The following LCORL variants were observed in gnomAD, a reference collection of about 807,000 sequenced individuals.
LCORL encodes the protein ligand-dependent nuclear receptor corepressor-like protein.
A neutral mutation model predicts 141.8 loss-of-function variants in LCORL; 41 were observed. The ratio of observed to expected loss-of-function variants is 0.29; its 90% CI spans 0.23 to 0.38. LCORL has a LOEUF of 0.38. Among genes scored for constraint, LCORL ranks in the 10% least tolerant of loss-of-function variants. The pLI is 1.00. For missense variants in LCORL, 1,759 were observed against 2,035.0 expected, an observed-to-expected ratio of 0.86 and a Z score of 2.61; for synonymous variants, 618 against 694.1, an observed-to-expected ratio of 0.89 and a Z score of 1.72.
At chr4:17,917,885 A>G (rs1178782166) in intron 4 of LCORL, among the ~76,000 whole-genome samples, 1 of 152,214 alleles carries the variant, frequency 6.6e-6, no homozygotes, top group African/African-American at 2.4e-5. Flanking sequence ...ACAGCAAGCT[A>G]TCATGGCACT....
At chr4:18,010,368 G>A (rs1207064787) in intron 1 of LCORL, among the ~76,000 whole-genome samples, 1 of 151,624 alleles carries the variant, frequency 6.6e-6, no homozygotes, top group East Asian at 1.9e-4. Flanking sequence ...ATAAATGTGT[G>A]TATGGGTACA....
chr4:17,850,569 C>T lies in LCORL; in HGVS notation c.5603-4668G>A, dbSNP rs563868139. Among the ~76,000 whole-genome samples, 4 of 152,284 alleles carry T rather than the reference C, an allele frequency of 2.6e-5. No homozygotes were observed. In the East Asian group the frequency reaches 7.7e-4, roughly 29 times the overall value. On this transcript the variant is annotated intron_variant, in intron 7 of 7. Coordinates refer to ENST00000635767, the Ensembl canonical transcript of LCORL. ...CCATCAGAGAAATGCAAATCAAAACCAGAATAAGATACCATCTCACACCAG... is the reference window on the plus strand; with the variant it reads ...CCATCAGAGAAATGCAAATCAAAACTAGAATAAGATACCATCTCACACCAG...
At chr4:17,852,231 C>G (rs939829229) in intron 7 of LCORL, among the ~76,000 whole-genome samples, 2 of 152,006 alleles carry the variant, frequency 1.3e-5, no homozygotes, top group Non-Finnish European at 2.9e-5. Flanking sequence ...ATATCTATAT[C>G]CTGGATTCTA....
Position 17,884,672 on chromosome 4 carries a change from T to C in LCORL, c.776+1396A>G. ...TATGTCCAGTGCTCCAGACTGAATG[T>C]CTTTCAAAGCTTTTGAGAGCAAACC... is the stretch of plus-strand genomic sequence containing the variant. On this transcript the variant is annotated intron_variant, in intron 6 of 7. Transcript: ENST00000635767. The surrounding 1 kb of genome is among the most constrained non-coding windows in gnomAD (Gnocchi z 4.4). 6.5e-7 allele frequency: 1 copy of C among 1,534,488 alleles called. No individual in the cohort carries two copies. The highest frequency in any genetic ancestry group is 8.8e-7 in the Non-Finnish European group (1 of 1,141,656).
intron 1 of LCORL, among the ~76,000 whole-genome samples, chr4:17,993,966 A>G (rs1201008808): frequency 6.6e-6 from 1 of 152,188 alleles, no homozygotes; most frequent in East Asian, 1.9e-4. Flanking sequence ...TTCTGGCTTG[A>G]GAAATAGAGT....
exon 8 of LCORL, chr4:17,842,611 T>G: frequency 2.4e-6 from 1 of 423,648 alleles, no homozygotes; most frequent in Admixed American, 3.9e-5. Context: ...CTATCTTTAA[T>G]ATGTTGTTTC....
chr4:17,973,034 T>C (rs976323097), intron 1 of LCORL, 149 bp from the exon 2 acceptor site: 1 of 378,278 alleles, frequency 2.6e-6, no homozygotes, highest in East Asian at 3.9e-5. Context: ...GTAGGCAATA[T>C]ACAACATAAC....
chr4:17,880,820 C>A (rs192241897), intron 6 of LCORL: 8 of 878,696 alleles, frequency 9.1e-6, no homozygotes, highest in Middle Eastern at 5.8e-4. Context: ...AAGACAGATA[C>A]ATGAATTCAT....
chr4:17,986,231 T>C (rs1236100290), intron 1 of LCORL, among the ~76,000 whole-genome samples: 3 of 152,200 alleles, frequency 2.0e-5, no homozygotes, highest in African/African-American at 4.8e-5. Flanking sequence ...AATGATTACA[T>C]GTCATAGGGA....
At chr4:17,995,749 CATT>C (rs1720816617) in intron 1 of LCORL, among the ~76,000 whole-genome samples, 1 of 152,098 alleles carries the variant, frequency 6.6e-6, no homozygotes, top group Non-Finnish European at 1.5e-5. Context: ...CTCACCCTCT[CATT>C]AGCGTCCCCT....
chr4:18,019,596 G>C (rs1417022119), intron 1 of LCORL, among the ~76,000 whole-genome samples: 1 of 151,962 alleles, frequency 6.6e-6, no homozygotes, highest in African/African-American at 2.4e-5. Context: ...CCAATGAATT[G>C]TGTTTCATTT....
chr4:17,857,914 C>T (rs1471760820), intron 7 of LCORL, among the ~76,000 whole-genome samples: 1 of 152,074 alleles, frequency 6.6e-6, no homozygotes, highest in Non-Finnish European at 1.5e-5. Flanking sequence ...TTTAACATTG[C>T]AAAAATCCCA....
At chr4:17,967,509 T>C (rs1715144388) in intron 2 of LCORL, among the ~76,000 whole-genome samples, 1 of 152,174 alleles carries the variant, frequency 6.6e-6, no homozygotes, top group Non-Finnish European at 1.5e-5. Context: ...TCTCTGTACT[T>C]TCTACTCAAT....
At position 17,874,863 on chromosome 4, in the gene LCORL, CTA is replaced by C; in HGVS notation, c.4125_4126del (p.His1375GlnfsTer28). On this transcript the variant is annotated frameshift_variant, in exon 7 of 8. Transcript: ENST00000635767. LOFTEE classifies it high-confidence loss of function. ...GTAAGCTATTTTCATCTTTGAGTGC[CTA>C]TGTTTTTCCTTCTGACTTTTATTTT... The C allele has an allele frequency of 8.1e-7, 1 of 1,233,634 alleles. No individual in the cohort carries two copies. Among genetic ancestry groups the C allele is most frequent in the Non-Finnish European group, 1.0e-6 (1 of 987,774 alleles). 76.4% of individuals were successfully genotyped at this position (1,233,634 alleles called of 1,614,324 possible).
At chr4:17,905,881 T>C (rs1731530607) in intron 5 of LCORL, among the ~76,000 whole-genome samples, 1 of 152,176 alleles carries the variant, frequency 6.6e-6, no homozygotes, top group African/African-American at 2.4e-5. Context: ...ATCACTAGTA[T>C]GAGCTCTTCA....
chr4:17,932,610 T>C (rs1004576269), intron 4 of LCORL, among the ~76,000 whole-genome samples: 1 of 152,214 alleles, frequency 6.6e-6, no homozygotes, highest in Non-Finnish European at 1.5e-5. Flanking sequence ...TTGCCATTTA[T>C]TCATTGCAAG....
chr4:17,871,768 T>C (rs754967451), intron 7 of LCORL, among the ~76,000 whole-genome samples: 1 of 151,910 alleles, frequency 6.6e-6, no homozygotes, highest in African/African-American at 2.4e-5. Flanking sequence ...TTTCCTGACA[T>C]GGCATTTGAT....
intron 5 of LCORL, among the ~76,000 whole-genome samples, chr4:17,887,179 T>C (rs1728385336): frequency 6.6e-6 from 1 of 151,952 alleles, no homozygotes; most frequent in Non-Finnish European, 1.5e-5. Flanking sequence ...AATAATTTAT[T>C]GAGCGCTCAC....
At chr4:17,903,256 G>A (rs1233304342) in intron 5 of LCORL, among the ~76,000 whole-genome samples, 2 of 152,030 alleles carry the variant, frequency 1.3e-5, no homozygotes, top group African/African-American at 4.8e-5. Context: ...CAATTACAAT[G>A]CATTGAGAGG....
Sources: gnomAD v4.1 joint callset for allele counts (sites outside exome capture counted in the v4.1 genomes callset) on GRCh38, gnomAD v4.1.1 for gene constraint, Gnocchi (gnomAD v3.1) non-coding constraint, MANE v1.5 for transcripts, NCBI Gene and HGNC (gene_info 2026-07-23, HGNC 2026-07-21) for gene names.